HMGXB3: variants seen among roughly 807,000 people sequenced by gnomAD.
HMGXB3 encodes HMG-box containing 3, also known as HMG domain-containing protein 3.
Under a neutral mutation model 121.5 loss-of-function variants are expected in HMGXB3, and 45 were observed. The ratio of observed to expected loss-of-function variants is 0.37; its 90% CI spans 0.29 to 0.47. The LOEUF (loss-of-function observed/expected upper bound fraction) is 0.47. HMGXB3 is among the 20% of genes least tolerant of loss of function. The pLI, the probability that HMGXB3 is intolerant of heterozygous loss-of-function variation, is 0.99. For missense variants in HMGXB3, 1,376 were observed against 1,602.2 expected (o/e 0.86, Z 2.41); for synonymous variants, 590 against 624.1 (o/e 0.95, Z 0.81).
At chr5:150,036,004 C>CT (rs1756493818) in intron 11 of HMGXB3, among the ~76,000 whole-genome samples, 1 of 152,176 alleles carries the variant, frequency 6.6e-6, no homozygotes, top group Non-Finnish European at 1.5e-5. Context: ...TATAATGGCT[C>CT]TAAGAGATTA....
intron 16 of HMGXB3, among the ~76,000 whole-genome samples, chr5:150,046,602 G>T (rs1226087623): frequency 1.3e-5 from 2 of 152,158 alleles, no homozygotes; most frequent in East Asian, 3.9e-4. Context: ...CACGAGGTCA[G>T]GAGATCGAGA....
At chr5:150,006,918 C>T (rs1755717458) in intron 3 of HMGXB3, among the ~76,000 whole-genome samples, 1 of 152,084 alleles carries the variant, frequency 6.6e-6, no homozygotes, top group Non-Finnish European at 1.5e-5. Flanking sequence ...TAACTTGGAG[C>T]CCCTCATAGT....
chr5:150,036,672 A>G lies in HMGXB3; in HGVS notation c.2020A>G (p.Thr674Ala). 1 of 1,550,344 alleles carries G rather than the reference A, an allele frequency of 6.5e-7. No individual in the cohort carries two copies. Among genetic ancestry groups the G allele is most frequent in the Non-Finnish European group, 8.7e-7 (1 of 1,146,788 alleles). ...ACCACTCCCAGATGTACTGAATGCC[A>G]CAGAGCCCCTGAGCACAGCCCAGAG... ...SSPLPDVLNA[T>A]EPLSTAQREI... is the part of the protein sequence containing the mutation. The change falls in exon 12 of 20, where the codon ACA becomes GCA. Residue 674 changes from threonine to alanine, a missense_variant. This residue lies in a region of HMGXB3 where 1,116 missense variants were observed against 1,369.0 expected (regional missense o/e 0.82). Transcript: ENST00000502717.
chr5:150,043,781 AG>A (rs1756692676), intron 15 of HMGXB3, among the ~76,000 whole-genome samples: 1 of 152,234 alleles, frequency 6.6e-6, no homozygotes, highest in Non-Finnish European at 1.5e-5. Flanking sequence ...TAGGCACTGA[AG>A]CCCAAGGGCC....
intron 17 of HMGXB3, among the ~76,000 whole-genome samples, chr5:150,048,036 A>G (rs1230120781): frequency 6.6e-6 from 1 of 152,198 alleles, no homozygotes; most frequent in Non-Finnish European, 1.5e-5. Flanking sequence ...GCTGCTTTAT[A>G]TTTTGAGCTT....
At position 150,047,512 on chromosome 5, in the gene HMGXB3, G is replaced by C. The variant is rs1334700241; in HGVS notation, c.2951-112G>C. On this transcript the variant is annotated intron_variant, in intron 16 of 19. Coordinates refer to ENST00000502717, the MANE Select transcript of HMGXB3 (RefSeq NM_014983.3). ...TTGAGTTCCACCTCTGCCAGCACTG[G>C]GGGAGGGCTTGGTGCAGAGCTGGCT... 3.9e-6 allele frequency: 5 copies of C among 1,279,616 alleles called. No homozygotes were observed. The East Asian group carries it at 1.3e-4, about 32-fold the overall frequency. 79.3% of individuals were successfully genotyped at this position (1,279,616 alleles called of 1,614,324 possible).
chr5:150,018,490 G>C (rs562373185), intron 5 of HMGXB3, 76 bp from the exon 6 acceptor site: 2 of 1,216,388 alleles, frequency 1.6e-6, no homozygotes, highest in Non-Finnish European at 2.2e-6. Context: ...GTGACCTCCT[G>C]GTGTTGCTGT....
chr5:150,024,129 A>T, intron 6 of HMGXB3, 133 bp from the exon 7 acceptor site: 1 of 757,636 alleles, frequency 1.3e-6, no homozygotes, highest in Non-Finnish European at 2.0e-6. Context: ...TTGAGATCTT[A>T]AGTTAACTTC....
intron 3 of HMGXB3, among the ~76,000 whole-genome samples, chr5:150,008,064 C>CAG (rs1329072273): frequency 6.9e-6 from 1 of 144,154 alleles, no homozygotes; most frequent in Non-Finnish European, 1.6e-5. Context: ...TTCACACACA[C>CAG]ACACACACAC....
chr5:150,006,404 G>A (rs1050753778), intron 2 of HMGXB3, 69 bp from the exon 3 acceptor site: 7 of 1,367,522 alleles, frequency 5.1e-6, no homozygotes, highest in Non-Finnish European at 6.0e-6. Flanking sequence ...GATGGGGAGT[G>A]GGAAGTGGAG....
intron 18 of HMGXB3, among the ~76,000 whole-genome samples, chr5:150,049,417 C>A (rs1033162259): frequency 2.0e-5 from 3 of 151,770 alleles, no homozygotes; most frequent in Non-Finnish European, 4.4e-5. Context: ...GAAACCCCCC[C>A]CCTTAACAGG....
chr5:150,006,587 C>T lies in HMGXB3; in HGVS notation c.252C>T (p.Ser84=), dbSNP rs1192872494. The T allele has an allele frequency of 5.2e-6, 8 of 1,552,256 alleles. No homozygotes were observed. Among genetic ancestry groups the T allele is most frequent in the Non-Finnish European group, 6.1e-6 (7 of 1,147,100 alleles). ...TTAGTGAGAGTTGGAGGCTTCTCAG[C>T]GTGGCCGAGAGGAGTTACTACTTGG... ...KKISESWRLL[S]VAERSYYLEK... is the part of the protein sequence containing the mutation. The change falls in exon 3 of 20, where the codon AGC becomes AGT. Residue 84 remains serine, a synonymous_variant. Transcript: ENST00000502717.
At chr5:150,042,052 G>A in intron 15 of HMGXB3, 83 bp downstream of exon 15, 1 of 1,167,250 alleles carries the variant, frequency 8.6e-7, no homozygotes, top group Non-Finnish European at 1.2e-6. Context: ...TCCCCAGGGG[G>A]TGGATAGCTC....
intron 7 of HMGXB3, among the ~76,000 whole-genome samples, chr5:150,025,603 T>C (rs1331095456): frequency 6.6e-6 from 1 of 151,420 alleles, no homozygotes; most frequent in East Asian, 1.9e-4. Context: ...GATCTCTCTT[T>C]GTCATTCAGT....
chr5:150,022,193 G>A (rs944994478), intron 6 of HMGXB3, among the ~76,000 whole-genome samples: 6 of 152,248 alleles, frequency 3.9e-5, no homozygotes, highest in African/African-American at 9.6e-5. Context: ...TGGACACCCC[G>A]ATCTATTAAT....
intron 4 of HMGXB3, 62 bp from the exon 5 acceptor site, chr5:150,012,193 T>C (rs759781448): frequency 2.6e-6 from 3 of 1,137,932 alleles, no homozygotes; most frequent in Non-Finnish European, 3.9e-6. Flanking sequence ...CAGTGTTGAG[T>C]GGCCTGGGTG....
At chr5:150,022,616 G>C (rs1756125789) in intron 6 of HMGXB3, among the ~76,000 whole-genome samples, 1 of 152,282 alleles carries the variant, frequency 6.6e-6, no homozygotes, top group East Asian at 1.9e-4. Flanking sequence ...TTAGTAGGCA[G>C]TGTTTGCTCA....
chr5:150,037,562 C>A, intron 13 of HMGXB3, 35 bp downstream of exon 13: 1 of 1,477,948 alleles, frequency 6.8e-7, no homozygotes, highest in Non-Finnish European at 9.1e-7. Context: ...CAGAGCATCC[C>A]AAAGCAGGCT....
At chr5:150,037,902 G>C (rs533301559) in intron 13 of HMGXB3, among the ~76,000 whole-genome samples, 10 of 152,328 alleles carry the variant, frequency 6.6e-5, no homozygotes, top group Non-Finnish European at 1.0e-4. Context: ...AGGATGTATA[G>C]GTTTATAGTC....
Sources: gnomAD v4.1 joint callset for allele counts (sites outside exome capture counted in the v4.1 genomes callset) on GRCh38, gnomAD v4.1.1 for gene constraint, gnomAD v4.1.1 regional missense constraint, MANE v1.5 for transcripts, NCBI Gene and HGNC (gene_info 2026-07-23, HGNC 2026-07-21) for gene names.